FBN1: variants seen among roughly 807,000 people sequenced by gnomAD.
FBN1 encodes the protein fibrillin 1, also known as fibrillin-1.
A neutral mutation model predicts 365.1 loss-of-function variants in FBN1; 29 were observed. That is an observed-to-expected ratio of 0.08 (90% CI 0.06 to 0.11). FBN1 has a LOEUF of 0.11. Ranked by LOEUF, FBN1 falls within the 10% of genes least tolerant of loss-of-function variation. The pLI is 1.00. For synonymous variants in FBN1, 1,210 were observed against 1,270.5 expected, an observed-to-expected ratio of 0.95 and a Z score of 1.01; for missense variants, 2,476 against 3,703.2, an observed-to-expected ratio of 0.67 and a Z score of 8.60.
intron 4 of FBN1, among the ~76,000 whole-genome samples, chr15:48,602,682 T>C (rs1566936028): frequency 6.6e-6 from 1 of 152,214 alleles, no homozygotes; most frequent in Admixed American, 6.5e-5. Context: ...CGGAAACTGA[T>C]TGCAGTTATT....
intron 2 of FBN1, among the ~76,000 whole-genome samples, chr15:48,621,956 C>T (rs1181271754): frequency 1.3e-5 from 2 of 151,566 alleles, no homozygotes; most frequent in African/African-American, 4.8e-5. Context: ...CGAGATTGTG[C>T]CACTGCACTT....
intron 2 of FBN1, among the ~76,000 whole-genome samples, chr15:48,614,804 T>C (rs1889619539): frequency 6.6e-6 from 1 of 152,120 alleles, no homozygotes; most frequent in South Asian, 2.1e-4. Context: ...GAAAGCTTCA[T>C]ATATGAAAAA....
chr15:48,551,970 A>T (rs1352784166), intron 6 of FBN1, among the ~76,000 whole-genome samples: 1 of 152,176 alleles, frequency 6.6e-6, no homozygotes, highest in Non-Finnish European at 1.5e-5. Flanking sequence ...GAGCATACAC[A>T]TGCATGTGTC....
At chr15:48,448,938 A>G (rs372285964) in intron 45 of FBN1, 45 bp from the exon 46 acceptor site, 45 of 1,509,262 alleles carry the variant, frequency 3.0e-5, no homozygotes, top group Non-Finnish European at 4.1e-5. Context: ...AAGACAAAAT[A>G]TAATTGAATA....
Position 48,520,793 on chromosome 15 carries a change from G to A in FBN1, c.1013C>T (p.Thr338Ile). 6.2e-7 allele frequency: 1 copy of A among 1,614,176 alleles called. No individual in the cohort carries two copies. ...AGAGCAGCGCCCGTTTGTCAGAGCT[G>A]TGTAACAGTATCCTGGGCGAACATC... ...CIDVRPGYCY[T>I]ALTNGRCSNQ... The change falls in exon 10 of 66, where the codon ACA becomes ATA. Residue 338 changes from threonine to isoleucine, a missense_variant. Thr to Ile is a moderately conservative substitution (Grantham distance 89, BLOSUM62 -1). Transcript: ENST00000316623.
At chr15:48,503,720 C>G in intron 17 of FBN1, 67 bp downstream of exon 17, 1 of 1,606,368 alleles carries the variant, frequency 6.2e-7, no homozygotes, top group Non-Finnish European at 8.5e-7. Flanking sequence ...GTGAATTCCA[C>G]AAATGCAAAG....
chr15:48,521,634 T>G (rs1030099093), intron 9 of FBN1, among the ~76,000 whole-genome samples: 3 of 152,158 alleles, frequency 2.0e-5, no homozygotes, highest in Non-Finnish European at 4.4e-5. Flanking sequence ...CAGCTCTGGG[T>G]TACGGAAAGA....
chr15:48,465,986 C>A, intron 38 of FBN1, 128 bp from the exon 39 acceptor site: 2 of 732,970 alleles, frequency 2.7e-6, no homozygotes, highest in South Asian at 3.0e-5. Context: ...TGTTACTCTG[C>A]CCGTCTGAAG....
At chr15:48,574,872 G>T (rs2044333551) in intron 6 of FBN1, among the ~76,000 whole-genome samples, 1 of 152,000 alleles carries the variant, frequency 6.6e-6, no homozygotes, top group African/African-American at 2.4e-5. Flanking sequence ...ATTTAATTTT[G>T]AATGTTAATT....
At chr15:48,620,204 C>T (rs905054100) in intron 2 of FBN1, among the ~76,000 whole-genome samples, 52 of 152,248 alleles carry the variant, frequency 3.4e-4, no homozygotes, top group African/African-American at 1.2e-3. Context: ...TGGAATGATC[C>T]AGCTCCAGAT....
rs536191925 is a variant in FBN1, at chr15:48,618,839, G to A, written c.165-5747C>T. Reference sequence around the variant, plus strand: ...AAGCACAAACCTGATTGTGAACTGCGTGTGGGAGGGATCTAGGTTGCCCAC... The same window carrying A: ...AAGCACAAACCTGATTGTGAACTGCATGTGGGAGGGATCTAGGTTGCCCAC... On this transcript the variant is annotated intron_variant, in intron 2 of 65. Transcript: ENST00000316623. Among the ~76,000 whole-genome samples the A allele has an allele frequency of 5.3e-5, 8 of 152,234 alleles. No individual in the cohort carries two copies. The South Asian group carries it at 8.3e-4, about 16-fold the overall frequency.
intron 15 of FBN1, among the ~76,000 whole-genome samples, chr15:48,507,053 T>C (rs540562847): frequency 4.9e-4 from 74 of 152,256 alleles, no homozygotes; most frequent in African/African-American, 1.8e-3. Flanking sequence ...TTGCCAATGG[T>C]TGCCAAACCT....
At chr15:48,513,845 A>G (rs1447279849) in intron 12 of FBN1, among the ~76,000 whole-genome samples, 177 bp from the exon 13 acceptor site, 1 of 152,192 alleles carries the variant, frequency 6.6e-6, no homozygotes, top group East Asian at 1.9e-4. Context: ...AGACTGGTTG[A>G]GCAGTTAAAG....
intron 6 of FBN1, among the ~76,000 whole-genome samples, chr15:48,554,970 C>T (rs762574526): frequency 6.6e-6 from 1 of 152,100 alleles, no homozygotes; most frequent in African/African-American, 2.4e-5. Flanking sequence ...ATAGAAAAAA[C>T]CTTTATACCC....
chr15:48,616,985 T>C (rs1231690401), intron 2 of FBN1, among the ~76,000 whole-genome samples: 2 of 152,194 alleles, frequency 1.3e-5, no homozygotes, highest in African/African-American at 2.4e-5. Context: ...TAATGGAGAT[T>C]TGAACTCAAG....
At chr15:48,432,488 T>C (rs111847847) in intron 55 of FBN1, among the ~76,000 whole-genome samples, 2 of 152,344 alleles carry the variant, frequency 1.3e-5, no homozygotes, top group African/African-American at 4.8e-5. Flanking sequence ...ATTTTGTATA[T>C]ATAATCACCA....
At chr15:48,617,530 A>C (rs1889681620) in intron 2 of FBN1, among the ~76,000 whole-genome samples, 1 of 152,178 alleles carries the variant, frequency 6.6e-6, no homozygotes, top group South Asian at 2.1e-4. Flanking sequence ...GGGAAAATAC[A>C]TTTATATTCC....
chr15:48,558,262 G>A (rs1400183986), intron 6 of FBN1, among the ~76,000 whole-genome samples: 3 of 152,088 alleles, frequency 2.0e-5, no homozygotes, highest in African/African-American at 7.2e-5. Context: ...AAACAGTTCA[G>A]CACATAAAAA....
At chr15:48,515,658 G>T in intron 11 of FBN1, 131 bp from the exon 12 acceptor site, 2 of 1,205,984 alleles carry the variant, frequency 1.7e-6, no homozygotes, top group Non-Finnish European at 2.4e-6. Context: ...AGGTCGTCTG[G>T]TGACAACAGA....
Sources: gnomAD v4.1 joint callset for allele counts (sites outside exome capture counted in the v4.1 genomes callset) on GRCh38, gnomAD v4.1.1 for gene constraint, MANE v1.5 for transcripts, NCBI Gene and HGNC (gene_info 2026-07-23, HGNC 2026-07-21) for gene names.